The following CHRM2 variants were observed in gnomAD, a reference collection of about 807,000 sequenced individuals.
The protein encoded by CHRM2 is muscarinic acetylcholine receptor M2.
Under a neutral mutation model 25.0 loss-of-function variants are expected in CHRM2, and 8 were observed. That is an observed-to-expected ratio of 0.32 (90% CI 0.19 to 0.58). The LOEUF is 0.58. CHRM2 is among the 20% of genes least tolerant of loss of function. CHRM2 has a pLI of 0.88. For synonymous variants in CHRM2, 202 were observed against 205.7 expected, an observed-to-expected ratio of 0.98 and a Z score of 0.15; for missense variants, 440 against 567.1, an observed-to-expected ratio of 0.78 and a Z score of 2.28.
chr7:136,896,315 G>A (rs533998950), intron 2 of CHRM2, among the ~76,000 whole-genome samples: 1 of 152,128 alleles, frequency 6.6e-6, no homozygotes, highest in African/African-American at 2.4e-5. Flanking sequence ...ACAAATTTCT[G>A]ATTTCTCAAT....
intron 3 of CHRM2, among the ~76,000 whole-genome samples, chr7:137,012,742 T>TA: frequency 6.6e-6 from 1 of 152,080 alleles, no homozygotes; most frequent in Admixed American, 6.6e-5. Flanking sequence ...TGAGTGAACA[T>TA]ACTTGAGTAG....
At chr7:136,907,629 G>C (rs77256222) in intron 2 of CHRM2, among the ~76,000 whole-genome samples, 326 of 151,986 alleles carry the variant, frequency 2.1e-3, no homozygotes, top group Non-Finnish European at 3.3e-3. Flanking sequence ...CCTAGGGGCA[G>C]CTTATGTAAT....
chr7:136,962,792 C>T (rs979720207), intron 2 of CHRM2, among the ~76,000 whole-genome samples: 1 of 152,162 alleles, frequency 6.6e-6, no homozygotes, highest in Non-Finnish European at 1.5e-5. Context: ...ACCCTCTGTA[C>T]TACTGAAAAA....
intron 2 of CHRM2, among the ~76,000 whole-genome samples, chr7:136,906,178 GGTTT>G (rs1217672287): frequency 1.3e-5 from 2 of 148,864 alleles, no homozygotes; most frequent in African/African-American, 4.9e-5. Context: ...ACTCACATAT[GGTTT>G]GTATGTATAT....
intron 2 of CHRM2, among the ~76,000 whole-genome samples, chr7:136,873,165 CT>C (rs1795906969): frequency 6.6e-6 from 1 of 152,206 alleles, no homozygotes; most frequent in Admixed American, 6.5e-5. Context: ...TAACAACTGG[CT>C]TTTGCTTCCT....
At chr7:136,998,795 A>AT (rs146294598) in intron 3 of CHRM2, among the ~76,000 whole-genome samples, 3,156 of 152,120 alleles carry the variant, frequency 0.021, 100 homozygotes, top group African/African-American at 0.073. Flanking sequence ...CATCTTGCAA[A>AT]TTTTTTTATT....
At chr7:136,906,777 C>G (rs950518171) in intron 2 of CHRM2, 1 of 151,488 alleles carries the variant, frequency 6.6e-6, no homozygotes, top group African/African-American at 2.4e-5. Flanking sequence ...ACCAGTTTCC[C>G]GGAAGATAAT....
chr7:137,015,111 C>G lies in CHRM2; in HGVS notation c.246C>G (p.Leu82=), dbSNP rs2131131331. 2 of 1,613,556 alleles carry G rather than the reference C, an allele frequency of 1.2e-6. No homozygotes were observed. Among genetic ancestry groups the G allele is most frequent in the African/African-American group, 2.7e-5 (2 of 74,988 alleles). Residue 82 remains leucine, a synonymous_variant, in exon 4 of 4, where the codon CTC becomes CTG. Coordinates refer to ENST00000680005, the MANE Select transcript of CHRM2 (RefSeq NM_001006630.2). The surrounding 1 kb of genome is among the most constrained non-coding windows in gnomAD (Gnocchi z 5.1). ...TTTTCTCCATGAACTTGTACACCCT[C>G]TACACTGTGATTGGTTACTGGCCTT... is the stretch of plus-strand genomic sequence containing the variant. The part of the protein sequence containing the change: ...IGVFSMNLYT[L]YTVIGYWPLG...
chr7:136,917,016 C>A (rs1798156495), intron 2 of CHRM2, among the ~76,000 whole-genome samples: 2 of 151,878 alleles, frequency 1.3e-5, no homozygotes, highest in Non-Finnish European at 2.9e-5. Flanking sequence ...CTCTCCTGAC[C>A]ATTGTATTAA....
At chr7:136,960,184 G>A (rs530225152) in intron 2 of CHRM2, among the ~76,000 whole-genome samples, 11 of 152,274 alleles carry the variant, frequency 7.2e-5, no homozygotes, top group Admixed American at 1.3e-4. Flanking sequence ...CTCTGTACCT[G>A]GGTCTTAGGA....
At chr7:136,908,582 G>A (rs958489501) in intron 2 of CHRM2, among the ~76,000 whole-genome samples, 1 of 151,798 alleles carries the variant, frequency 6.6e-6, no homozygotes, top group African/African-American at 2.4e-5. Flanking sequence ...AGGTAGAATC[G>A]AGCATTCTCA....
chr7:137,013,810 A>G (rs1183920202), intron 3 of CHRM2, among the ~76,000 whole-genome samples: 1 of 152,050 alleles, frequency 6.6e-6, no homozygotes, highest in East Asian at 1.9e-4. Flanking sequence ...TGTTTTAATC[A>G]TCATTGAACG....
chr7:136,919,739 T>C (rs933956522), intron 2 of CHRM2, among the ~76,000 whole-genome samples: 1 of 152,110 alleles, frequency 6.6e-6, no homozygotes, highest in African/African-American at 2.4e-5. Context: ...TCTCCATTTC[T>C]AGGGGCAATC....
At chr7:136,919,210 A>G (rs1038812369) in intron 2 of CHRM2, among the ~76,000 whole-genome samples, 3 of 152,148 alleles carry the variant, frequency 2.0e-5, no homozygotes, top group Non-Finnish European at 4.4e-5. Context: ...CATTCACAGT[A>G]TAGAAGTGAA....
At chr7:137,006,452 T>G (rs1193820317) in intron 3 of CHRM2, among the ~76,000 whole-genome samples, 1 of 151,978 alleles carries the variant, frequency 6.6e-6, no homozygotes, top group Non-Finnish European at 1.5e-5. Context: ...GGAGTGGAAG[T>G]TTGTCCCAGC....
At chr7:136,874,865 G>T (rs1458166689) in intron 2 of CHRM2, among the ~76,000 whole-genome samples, 9 of 151,582 alleles carry the variant, frequency 5.9e-5, no homozygotes, top group Admixed American at 3.3e-4. Context: ...TACCCTTACA[G>T]GTTTAACATT....
At chr7:136,961,900 C>T (rs1305867204) in intron 2 of CHRM2, among the ~76,000 whole-genome samples, 1 of 151,900 alleles carries the variant, frequency 6.6e-6, no homozygotes, top group African/African-American at 2.4e-5. Context: ...GGCGTGGATC[C>T]TAGGGAAGAC....
intron 3 of CHRM2, among the ~76,000 whole-genome samples, chr7:137,010,239 T>C (rs1011872118): frequency 6.6e-6 from 1 of 152,098 alleles, no homozygotes; most frequent in Non-Finnish European, 1.5e-5. Context: ...TGTTAAACTG[T>C]GGTTCTGTCT....
At chr7:136,933,644 A>T (rs562913146) in intron 2 of CHRM2, among the ~76,000 whole-genome samples, 1 of 152,340 alleles carries the variant, frequency 6.6e-6, no homozygotes, top group Non-Finnish European at 1.5e-5. Flanking sequence ...ACTCTTTATA[A>T]TAATCAAAAA....
Sources: allele counts gnomAD v4.1 joint callset (sites outside exome capture counted in the v4.1 genomes callset), GRCh38; gene constraint gnomAD v4.1.1; non-coding constraint Gnocchi (gnomAD v3.1); transcripts MANE v1.5; gene names NCBI Gene and HGNC (gene_info 2026-07-23, HGNC 2026-07-21).